SPIDR: variants seen among roughly 807,000 people sequenced by gnomAD.
SPIDR encodes scaffold protein involved in DNA repair, also known as DNA repair-scaffolding protein.
Under a neutral mutation model 104.6 loss-of-function variants are expected in SPIDR, and 93 were observed. That is an observed-to-expected ratio of 0.89 (90% CI 0.75 to 1.06). The LOEUF (loss-of-function observed/expected upper bound fraction) is 1.06, where lower values mean the gene tolerates loss of function less well. SPIDR is among the 50% of genes least tolerant of loss of function. SPIDR has a pLI of 0.00. For missense variants in SPIDR, 1,154 were observed against 1,111.2 expected, an observed-to-expected ratio of 1.04 and a Z score of -0.55; for synonymous variants, 431 against 416.9, an observed-to-expected ratio of 1.03 and a Z score of -0.41.
rs191888170 is a variant in SPIDR, at chr8:47,598,506, C to T, written c.1294-440C>T. On this transcript the variant is annotated intron_variant, in intron 9 of 19. Transcript: ENST00000297423. The stretch of plus-strand genomic sequence containing the variant: ...GGAGAATATGTGAGCATGTAAAATG[C>T]TCAGCCTAGGAGATTGCACATACAA... 2.6e-5 allele frequency among the ~76,000 whole-genome samples: 4 copies of T among 152,312 alleles called. No individual in the cohort carries two copies. The East Asian group carries it at 7.7e-4, about 29-fold the overall frequency.
chr8:47,284,912 G>A (rs372810785), intron 3 of SPIDR, among the ~76,000 whole-genome samples: 2 of 152,334 alleles, frequency 1.3e-5, no homozygotes, highest in Non-Finnish European at 2.9e-5. Flanking sequence ...CAGGTAGGCC[G>A]CTGGTTCTCC....
At chr8:47,728,742 G>A (rs1415595175) in intron 17 of SPIDR, 191 bp from the exon 18 acceptor site, 3 of 564,634 alleles carry the variant, frequency 5.3e-6, no homozygotes, top group South Asian at 2.5e-5. Flanking sequence ...CGTGCTACTC[G>A]AAGCTAATGT....
At position 47,268,591 on chromosome 8, in the gene SPIDR, A is replaced by G. The variant is rs1025229256; in HGVS notation, c.33+7600A>G. 2.4e-4 allele frequency among the ~76,000 whole-genome samples: 36 copies of G among 152,242 alleles called. No homozygotes were observed. In the South Asian group the frequency reaches 7.5e-3, roughly 32 times the overall value. ...TTGATGCTATTTTGAATGCAGTTCT[A>G]CTGGCACATGCTGCTGCACGTGGCT... On this transcript the variant is annotated intron_variant, in intron 1 of 19. Transcript: ENST00000297423.
chr8:47,689,129 C>G (rs2078255948), intron 11 of SPIDR, among the ~76,000 whole-genome samples: 1 of 152,150 alleles, frequency 6.6e-6, no homozygotes. Flanking sequence ...GGCAGAAGTA[C>G]CAATTTTTGG....
At position 47,700,398 on chromosome 8, in the gene SPIDR, TC is replaced by T; in HGVS notation, c.1686-3del. 1 of 1,614,200 alleles carries T rather than the reference TC, an allele frequency of 6.2e-7. No individual in the cohort carries two copies. The highest frequency in any genetic ancestry group is 8.5e-7 in the Non-Finnish European group (1 of 1,180,016). ...GATGAATACCTTTGACTTTTCTTGT[TC>T]CAGGACAGCGGGGATTTTCAGTTTG... On this transcript the variant is annotated splice_polypyrimidine_tract_variant and splice_region_variant and intron_variant, in intron 11 of 19. Coordinates refer to ENST00000297423, the MANE Select transcript of SPIDR (RefSeq NM_001080394.4).
intron 8 of SPIDR, among the ~76,000 whole-genome samples, chr8:47,542,062 C>A (rs145220653): frequency 2.0e-5 from 3 of 152,296 alleles, no homozygotes; most frequent in Admixed American, 1.3e-4. Context: ...CATGCACTTG[C>A]TGTCTCTCCT....
At chr8:47,678,803 C>T (rs2154474492) in intron 11 of SPIDR, among the ~76,000 whole-genome samples, 2 of 152,242 alleles carry the variant, frequency 1.3e-5, no homozygotes, top group Middle Eastern at 6.8e-3. Flanking sequence ...GAGAATGAGC[C>T]AATTGAGAAG....
At chr8:47,365,914 T>C (rs1166347529) in intron 5 of SPIDR, among the ~76,000 whole-genome samples, 1 of 152,186 alleles carries the variant, frequency 6.6e-6, no homozygotes, top group African/African-American at 2.4e-5. Context: ...TAATTTCTTG[T>C]GTGTGCTGCA....
chr8:47,564,072 CTTTTTTT>C (rs869220760), intron 8 of SPIDR, among the ~76,000 whole-genome samples: 235 of 76,824 alleles, frequency 3.1e-3, no homozygotes, highest in African/African-American at 0.01. Flanking sequence ...TTTTTCTTTT[CTTTTTTT>C]TTTTTTTTTT....
chr8:47,710,992 G>T (rs2081802383), intron 14 of SPIDR, among the ~76,000 whole-genome samples: 1 of 151,970 alleles, frequency 6.6e-6, no homozygotes. Context: ...TGGCCCAGCT[G>T]GGCTCAAGTA....
intron 10 of SPIDR, among the ~76,000 whole-genome samples, chr8:47,652,171 A>G (rs2071772605): frequency 6.6e-6 from 1 of 152,236 alleles, no homozygotes; most frequent in Non-Finnish European, 1.5e-5. Context: ...AAATGATCAG[A>G]AAAGTGAGTA....
intron 7 of SPIDR, among the ~76,000 whole-genome samples, chr8:47,411,457 T>C (rs2063514915): frequency 6.6e-6 from 1 of 152,214 alleles, no homozygotes; most frequent in Non-Finnish European, 1.5e-5. Flanking sequence ...ATAAATGTCT[T>C]CTTGTGAGAA....
intron 8 of SPIDR, among the ~76,000 whole-genome samples, chr8:47,491,631 G>C (rs2078728637): frequency 6.6e-6 from 1 of 152,128 alleles, no homozygotes. Context: ...CTGAGGGCCA[G>C]GGGCAGCTGT....
intron 5 of SPIDR, among the ~76,000 whole-genome samples, chr8:47,303,521 C>T (rs999281598): frequency 4.6e-5 from 7 of 152,178 alleles, no homozygotes; most frequent in Non-Finnish European, 7.3e-5. Flanking sequence ...AGAAATCACC[C>T]GTCTTCTGCG....
At chr8:47,653,302 C>T (rs1192156261) in intron 10 of SPIDR, among the ~76,000 whole-genome samples, 1 of 152,108 alleles carries the variant, frequency 6.6e-6, no homozygotes, top group Non-Finnish European at 1.5e-5. Flanking sequence ...TACTCTATAC[C>T]CAGTTACAAA....
At position 47,720,045 on chromosome 8, in the gene SPIDR, A is replaced by G. The variant is rs936336226; in HGVS notation, c.2341+6404A>G. ...CCCTCCCCACTGACTACTGGCAGCCACTCTTCTTTGTACTGTCTCTGTAGT... is the reference window on the plus strand; with the variant it reads ...CCCTCCCCACTGACTACTGGCAGCCGCTCTTCTTTGTACTGTCTCTGTAGT... On this transcript the variant is annotated intron_variant, in intron 16 of 19. Coordinates refer to ENST00000297423, the MANE Select transcript of SPIDR (RefSeq NM_001080394.4). Among the ~76,000 whole-genome samples, 11 of 151,718 alleles carry G rather than the reference A, an allele frequency of 7.3e-5. No individual in the cohort carries two copies. In the East Asian group the frequency reaches 2.1e-3, roughly 29 times the overall value.
At chr8:47,415,995 C>T (rs2064211488) in intron 7 of SPIDR, among the ~76,000 whole-genome samples, 1 of 152,166 alleles carries the variant, frequency 6.6e-6, no homozygotes, top group Admixed American at 6.6e-5. Flanking sequence ...CCTGTAATTC[C>T]AGCACTTTGG....
At chr8:47,290,158 GC>G (rs1202830424) in intron 3 of SPIDR, among the ~76,000 whole-genome samples, 2 of 151,896 alleles carry the variant, frequency 1.3e-5, no homozygotes, top group East Asian at 1.9e-4. Context: ...TCCTGCCTCA[GC>G]CCCCCCTGAG....
At chr8:47,369,016 C>T (rs932118390) in intron 5 of SPIDR, among the ~76,000 whole-genome samples, 1 of 152,000 alleles carries the variant, frequency 6.6e-6, no homozygotes, top group Non-Finnish European at 1.5e-5. Flanking sequence ...TTCATAGGCA[C>T]GTGAGAACGA....
Sources: gnomAD v4.1 joint callset for allele counts (sites outside exome capture counted in the v4.1 genomes callset) on GRCh38, gnomAD v4.1.1 for gene constraint, MANE v1.5 for transcripts, NCBI Gene and HGNC (gene_info 2026-07-23, HGNC 2026-07-21) for gene names.